Variants in ARPP21 observed in about 807,000 individuals in gnomAD.
ARPP21 encodes the protein cAMP regulated phosphoprotein 21.
A neutral mutation model predicts 113.2 loss-of-function variants in ARPP21; 69 were observed. The observed-to-expected ratio is 0.61, with a 90% confidence interval of 0.50 to 0.74. The LOEUF is 0.74. Ranked by LOEUF, ARPP21 falls within the 30% of genes least tolerant of loss-of-function variation. ARPP21 has a pLI of 0.00. For missense variants in ARPP21, 1,070 were observed against 1,037.4 expected (o/e 1.03, Z -0.43); for synonymous variants, 368 against 375.5 (o/e 0.98, Z 0.23).
chr3:35,780,528 G>T (rs1478196242), intron 19 of ARPP21, among the ~76,000 whole-genome samples: 1 of 151,946 alleles, frequency 6.6e-6, no homozygotes, highest in East Asian at 1.9e-4. Flanking sequence ...GAGTAGAGAT[G>T]GCCTCCCCCG....
Position 35,682,897 on chromosome 3 carries a change from T to C in ARPP21, c.171+8T>C, listed in dbSNP as rs766246509. The C allele has an allele frequency of 6.8e-6, 11 of 1,607,030 alleles. No individual in the cohort carries two copies. In the South Asian group the frequency reaches 1.0e-4, roughly 15 times the overall value. ...GAAAGAAGAAAATCCAAGGTAGGGTTCTTAACATTCTAGGTAGACCTGATA... is the reference window on the plus strand; with the variant it reads ...GAAAGAAGAAAATCCAAGGTAGGGTCCTTAACATTCTAGGTAGACCTGATA... On this transcript the variant is annotated splice_region_variant and intron_variant, in intron 4 of 20. Transcript: ENST00000684406.
intron 1 of ARPP21, among the ~76,000 whole-genome samples, chr3:35,672,180 C>G (rs1310793061): frequency 6.6e-6 from 1 of 152,076 alleles, no homozygotes; most frequent in Non-Finnish European, 1.5e-5. Context: ...CTGCTGACTT[C>G]TGTAATTAGT....
rs907679619 is a variant in ARPP21, at chr3:35,698,642, A to G, written c.686+7637A>G. ...AATTCAGTACTACTGTCACTCAGCC[A>G]TGACTCTTCTCCTAAAGTTAGAGAA... On this transcript the variant is annotated intron_variant, in intron 9 of 20. Transcript: ENST00000684406. Among the ~76,000 whole-genome samples the G allele has an allele frequency of 3.3e-5, 5 of 151,684 alleles. No homozygotes were observed. The Admixed American group carries it at 3.3e-4, about 10-fold the overall frequency.
intron 1 of ARPP21, among the ~76,000 whole-genome samples, chr3:35,667,958 A>G (rs551417040): frequency 2.8e-4 from 10 of 35,532 alleles, no homozygotes; most frequent in Non-Finnish European, 3.1e-4. Context: ...AAAGAAGAAG[A>G]AGAAGAAGAA....
intron 9 of ARPP21, among the ~76,000 whole-genome samples, chr3:35,693,962 G>A (rs2083016487): frequency 6.6e-6 from 1 of 151,404 alleles, no homozygotes; most frequent in African/African-American, 2.4e-5. Flanking sequence ...TGGATTGAGG[G>A]TATTTTTGTT....
chr3:35,681,849 G>A lies in ARPP21; in HGVS notation c.98G>A (p.Ser33Asn). The A allele has an allele frequency of 6.2e-7, 1 of 1,612,070 alleles. No individual in the cohort carries two copies. Among genetic ancestry groups the A allele is most frequent in the African/African-American group, 1.3e-5 (1 of 74,880 alleles). The change falls in exon 3 of 21, where the codon AGT (serine) becomes AAT (asparagine). Residue 33 changes from serine to asparagine, a missense_variant. Ser to Asn is a conservative substitution (Grantham distance 46). Transcript: ENST00000684406. ...TPENGIVKSE[S>N]LDEEEKLELQ... is the part of the protein sequence containing the mutation. ...GAGAACGGCATTGTTAAATCAGAAAGTCTGGATGAAGAGGAGAAACTGGAA... is the reference window on the plus strand; with the variant it reads ...GAGAACGGCATTGTTAAATCAGAAAATCTGGATGAAGAGGAGAAACTGGAA...
chr3:35,748,320 A>G (rs980846005), intron 19 of ARPP21, among the ~76,000 whole-genome samples: 1 of 148,738 alleles, frequency 6.7e-6, no homozygotes, highest in African/African-American at 2.5e-5. Context: ...GAAAGAAAGA[A>G]AAAGAAAGAA....
At chr3:35,690,456 G>A (rs1267239198) in intron 8 of ARPP21, among the ~76,000 whole-genome samples, 1 of 151,476 alleles carries the variant, frequency 6.6e-6, no homozygotes, top group South Asian at 2.1e-4. Flanking sequence ...CCAGCTGGCT[G>A]CAGTCAGTTA....
At chr3:35,690,796 A>G (rs1321883061) in intron 8 of ARPP21, 69 bp from the exon 9 acceptor site, 3 of 1,413,160 alleles carry the variant, frequency 2.1e-6, no homozygotes, top group Non-Finnish European at 2.9e-6. Context: ...TTGTGTGTAT[A>G]CTTGTAAAAA....
chr3:35,642,755 A>G (rs1698600058), intron 1 of ARPP21, among the ~76,000 whole-genome samples: 1 of 152,176 alleles, frequency 6.6e-6, no homozygotes, highest in Admixed American at 6.5e-5. Context: ...CTTCTAAGAT[A>G]CTACAATAAC....
intron 19 of ARPP21, among the ~76,000 whole-genome samples, chr3:35,765,144 C>T (rs932138313): frequency 6.6e-6 from 1 of 152,058 alleles, no homozygotes; most frequent in African/African-American, 2.4e-5. Context: ...TATCATTTTT[C>T]ACACCTTACT....
chr3:35,686,879 G>A (rs1022146299), intron 5 of ARPP21, among the ~76,000 whole-genome samples: 4 of 151,422 alleles, frequency 2.6e-5, no homozygotes, highest in Non-Finnish European at 4.4e-5. Flanking sequence ...GCTGATATAT[G>A]TGAGTTAATA....
chr3:35,700,154 C>A (rs1464711635), intron 9 of ARPP21, among the ~76,000 whole-genome samples: 1 of 151,728 alleles, frequency 6.6e-6, no homozygotes, highest in Non-Finnish European at 1.5e-5. Flanking sequence ...TCCTCCCAAG[C>A]AAGTTAAGTA....
chr3:35,774,149 C>T lies in ARPP21; in HGVS notation c.2138-18233C>T, dbSNP rs1234487128. On this transcript the variant is annotated intron_variant, in intron 19 of 20. Coordinates refer to ENST00000684406, the MANE Select transcript of ARPP21 (RefSeq NM_001385562.1). ...AAATGACTTCCTATCAGGTGCAGTGCTGTGCGCCTATAGTCCCAGCTACTC... is the reference window on the plus strand; with the variant it reads ...AAATGACTTCCTATCAGGTGCAGTGTTGTGCGCCTATAGTCCCAGCTACTC... Among the ~76,000 whole-genome samples the T allele has an allele frequency of 2.0e-5, 3 of 152,136 alleles. No individual in the cohort carries two copies. In the East Asian group the frequency reaches 5.8e-4, roughly 29 times the overall value.
At chr3:35,715,497 C>T in intron 12 of ARPP21, 21 bp downstream of exon 12, 1 of 1,599,234 alleles carries the variant, frequency 6.3e-7, no homozygotes, top group Non-Finnish European at 8.6e-7. Flanking sequence ...ATTTACTTTT[C>T]CATGTCTTTA....
chr3:35,748,433 GAGAAAGAA>G (rs199709009), intron 19 of ARPP21, among the ~76,000 whole-genome samples: 3 of 139,300 alleles, frequency 2.2e-5, no homozygotes, highest in Admixed American at 7.5e-5. Context: ...GAGAAAGAAA[GAGAAAGAA>G]AGAAAGAAAA....
chr3:35,705,625 C>T (rs180956863), intron 9 of ARPP21, among the ~76,000 whole-genome samples: 67 of 152,228 alleles, frequency 4.4e-4, no homozygotes, highest in Non-Finnish European at 7.6e-4. Flanking sequence ...TGTGTGATGC[C>T]TGTGGCTTAC....
chr3:35,793,675 G>A, intron 20 of ARPP21, 26 bp from the exon 21 acceptor site: 1 of 1,588,930 alleles, frequency 6.3e-7, no homozygotes, highest in South Asian at 1.1e-5. Flanking sequence ...TCTTCATACA[G>A]GGTTCTTGCT....
chr3:35,786,700 T>C (rs1353027450), intron 19 of ARPP21, among the ~76,000 whole-genome samples: 1 of 151,506 alleles, frequency 6.6e-6, no homozygotes, highest in African/African-American at 2.4e-5. Context: ...CTCCTGGGAG[T>C]TGAATTAGAG....
Sources: gnomAD v4.1 joint callset for allele counts (sites outside exome capture counted in the v4.1 genomes callset) on GRCh38, gnomAD v4.1.1 for gene constraint, MANE v1.5 for transcripts, NCBI Gene and HGNC (gene_info 2026-07-23, HGNC 2026-07-21) for gene names.